The following GRM1 variants were observed in gnomAD, a reference collection of about 807,000 sequenced individuals.
GRM1 encodes the protein metabotropic glutamate receptor 1.
GRM1 carries 33 observed loss-of-function variants against 90.9 expected under a neutral mutation model. That is an observed-to-expected ratio of 0.36 (90% CI 0.28 to 0.49). The LOEUF is 0.49. Among genes scored for constraint, GRM1 ranks in the 20% least tolerant of loss-of-function variants. GRM1 has a pLI of 0.99. For synonymous variants in GRM1, 700 were observed against 613.2 expected, an observed-to-expected ratio of 1.14 and a Z score of -2.09; for missense variants, 1,190 against 1,534.3, an observed-to-expected ratio of 0.78 and a Z score of 3.75.
chr6:146,270,838 C>CTTTTT (rs1562570899), intron 2 of GRM1, among the ~76,000 whole-genome samples: 51 of 129,354 alleles, frequency 3.9e-4, no homozygotes, highest in African/African-American at 9.9e-4. Context: ...TGCCTGCCTG[C>CTTTTT]CTTTCTTTCT....
At chr6:146,190,901 G>A (rs73783633) in intron 2 of GRM1, among the ~76,000 whole-genome samples, 14,787 of 151,992 alleles carry the variant, frequency 0.097, 1,077 homozygotes, top group African/African-American at 0.2. Context: ...TCTGATTTAC[G>A]TATTATAGGC....
chr6:146,209,368 C>T (rs1182033881), intron 2 of GRM1, among the ~76,000 whole-genome samples: 6 of 152,066 alleles, frequency 3.9e-5, no homozygotes, highest in Non-Finnish European at 8.8e-5. Context: ...AGATCTGGGA[C>T]ATTTTTGATT....
chr6:146,344,967 A>G (rs912025753), intron 3 of GRM1, among the ~76,000 whole-genome samples: 1 of 151,924 alleles, frequency 6.6e-6, no homozygotes, highest in Non-Finnish European at 1.5e-5. Flanking sequence ...ATGCCCCAAT[A>G]TGCCTGACAA....
At chr6:146,362,496 G>A (rs1357352166) in intron 5 of GRM1, among the ~76,000 whole-genome samples, 2 of 151,820 alleles carry the variant, frequency 1.3e-5, no homozygotes, top group African/African-American at 4.8e-5. Flanking sequence ...TGGCTAACAT[G>A]GTGAAACCCC....
At chr6:146,309,410 A>C (rs974863150) in intron 3 of GRM1, among the ~76,000 whole-genome samples, 3 of 152,042 alleles carry the variant, frequency 2.0e-5, no homozygotes, top group Admixed American at 1.3e-4. Flanking sequence ...AAAAAAAAAA[A>C]ACAGAACATT....
chr6:146,373,945 C>G (rs1474806417), intron 5 of GRM1, among the ~76,000 whole-genome samples: 1 of 152,082 alleles, frequency 6.6e-6, no homozygotes, highest in South Asian at 2.1e-4. Flanking sequence ...TGCTCCACAT[C>G]TTAGAGGAAA....
chr6:146,172,027 G>T (rs1197848220), intron 2 of GRM1, among the ~76,000 whole-genome samples: 2 of 151,814 alleles, frequency 1.3e-5, no homozygotes, highest in Non-Finnish European at 2.9e-5. Context: ...CCTTGAGCTT[G>T]ATGGTGGCAG....
chr6:146,172,487 C>A (rs1778168659), intron 2 of GRM1, among the ~76,000 whole-genome samples: 1 of 152,100 alleles, frequency 6.6e-6, no homozygotes, highest in Non-Finnish European at 1.5e-5. Flanking sequence ...CTTTGACTGG[C>A]TATTATTTTG....
At chr6:146,078,610 T>C (rs1582969838) in intron 1 of GRM1, among the ~76,000 whole-genome samples, 2 of 152,320 alleles carry the variant, frequency 1.3e-5, no homozygotes, top group African/African-American at 4.8e-5. Flanking sequence ...CACTAGATAA[T>C]TTATAAATAT....
chr6:146,356,884 G>T (rs1437969347), intron 4 of GRM1, among the ~76,000 whole-genome samples: 1 of 152,100 alleles, frequency 6.6e-6, no homozygotes, highest in Non-Finnish European at 1.5e-5. Flanking sequence ...AGTTCTAAGT[G>T]CAGGTTTTGC....
chr6:146,212,519 A>G (rs1779716694), intron 2 of GRM1, among the ~76,000 whole-genome samples: 1 of 152,200 alleles, frequency 6.6e-6, no homozygotes, highest in Non-Finnish European at 1.5e-5. Flanking sequence ...GCCTATAAAT[A>G]TCAGCACATA....
intron 2 of GRM1, among the ~76,000 whole-genome samples, chr6:146,218,055 A>G (rs776197713): frequency 5.3e-5 from 8 of 152,196 alleles, no homozygotes; most frequent in Admixed American, 3.9e-4. Flanking sequence ...GAGAATGAAA[A>G]AAGTACCAAG....
intron 1 of GRM1, among the ~76,000 whole-genome samples, chr6:146,102,631 G>T (rs1025220778): frequency 6.6e-6 from 1 of 152,138 alleles, no homozygotes; most frequent in African/African-American, 2.4e-5. Context: ...TTATCAGCTT[G>T]ATATGTTGAT....
chr6:146,378,582 A>T (rs1373344277), intron 5 of GRM1, among the ~76,000 whole-genome samples: 1 of 152,174 alleles, frequency 6.6e-6, no homozygotes, highest in Non-Finnish European at 1.5e-5. Context: ...TTTGGAATAG[A>T]GGTTATTTAC....
intron 4 of GRM1, among the ~76,000 whole-genome samples, chr6:146,357,226 A>T (rs1785618212): frequency 6.6e-6 from 1 of 152,210 alleles, no homozygotes; most frequent in Admixed American, 6.5e-5. Flanking sequence ...ATAAACCATA[A>T]TTGGAAGGAC....
At chr6:146,198,559 G>GA (rs1318916226) in intron 2 of GRM1, among the ~76,000 whole-genome samples, 6 of 152,140 alleles carry the variant, frequency 3.9e-5, no homozygotes, top group Non-Finnish European at 8.8e-5. Context: ...CTCAGGGACT[G>GA]AAAAAATCAC....
intron 1 of GRM1, among the ~76,000 whole-genome samples, chr6:146,149,658 G>A (rs1385946645): frequency 6.6e-6 from 1 of 152,124 alleles, no homozygotes; most frequent in South Asian, 2.1e-4. Flanking sequence ...TTGCCTTTAA[G>A]TCTCATCCTC....
intron 2 of GRM1, among the ~76,000 whole-genome samples, chr6:146,288,266 T>C (rs549716615): frequency 6.6e-6 from 1 of 152,216 alleles, no homozygotes; most frequent in East Asian, 1.9e-4. Flanking sequence ...AAGGATGTTA[T>C]AGGCAATGCT....
intron 7 of GRM1, among the ~76,000 whole-genome samples, chr6:146,412,209 G>A (rs1199996062): frequency 6.6e-6 from 1 of 152,190 alleles, no homozygotes; most frequent in African/African-American, 2.4e-5. Context: ...ATTCTGGCAT[G>A]TGACAATCTT....
Sources: allele counts gnomAD v4.1 joint callset (sites outside exome capture counted in the v4.1 genomes callset), GRCh38; gene constraint gnomAD v4.1.1; transcripts MANE v1.5; gene names NCBI Gene and HGNC (gene_info 2026-07-23, HGNC 2026-07-21).